The following SRGAP1 variants were observed in gnomAD, a reference collection of about 807,000 sequenced individuals.
The protein encoded by SRGAP1 is SLIT-ROBO Rho GTPase activating protein 1.
Under a neutral mutation model 121.9 loss-of-function variants are expected in SRGAP1, and 43 were observed. The observed-to-expected ratio is 0.35, with a 90% confidence interval of 0.28 to 0.46. SRGAP1 has a LOEUF of 0.46. SRGAP1 is among the 20% of genes least tolerant of loss of function. The pLI, the probability that SRGAP1 is intolerant of heterozygous loss-of-function variation, is 1.00. For synonymous variants in SRGAP1, 447 were observed against 485.4 expected, an observed-to-expected ratio of 0.92 and a Z score of 1.04; for missense variants, 1,102 against 1,350.9, an observed-to-expected ratio of 0.82 and a Z score of 2.89.
intron 1 of SRGAP1, among the ~76,000 whole-genome samples, chr12:63,970,748 A>G (rs1288656351): frequency 1.3e-5 from 2 of 152,170 alleles, no homozygotes; most frequent in Non-Finnish European, 1.5e-5. Context: ...CCTTATCAAA[A>G]TTAACACAAA....
At chr12:63,945,400 C>T (rs1020363199) in intron 1 of SRGAP1, among the ~76,000 whole-genome samples, 19 of 152,058 alleles carry the variant, frequency 1.2e-4, no homozygotes, top group South Asian at 2.1e-4. Context: ...TTTCTCCTAA[C>T]GCTATCCCTC....
chr12:64,052,779 T>G (rs1243132104), intron 6 of SRGAP1, among the ~76,000 whole-genome samples: 1 of 152,216 alleles, frequency 6.6e-6, no homozygotes, highest in African/African-American at 2.4e-5. Context: ...TTTTAATGAT[T>G]TATCTGTTGT....
intron 1 of SRGAP1, among the ~76,000 whole-genome samples, chr12:63,880,907 G>C (rs1217415173): frequency 1.3e-5 from 2 of 152,132 alleles, no homozygotes; most frequent in Non-Finnish European, 2.9e-5. Context: ...TGTGTTCCAG[G>C]CGTCTCACCA....
chr12:63,897,235 A>G (rs1900783718), intron 1 of SRGAP1, among the ~76,000 whole-genome samples: 1 of 152,218 alleles, frequency 6.6e-6, no homozygotes. Flanking sequence ...TTGCCAGAAC[A>G]TATGTGCTAT....
At chr12:64,113,272 G>A (rs1201210041) in intron 17 of SRGAP1, among the ~76,000 whole-genome samples, 1 of 152,062 alleles carries the variant, frequency 6.6e-6, no homozygotes. Context: ...GCCAGGCATG[G>A]TGGTACGTGC....
chr12:64,047,439 C>T lies in SRGAP1; in HGVS notation c.801+3864C>T, dbSNP rs554191477. The stretch of plus-strand genomic sequence containing the variant: ...CTTCATGCTTTGTGAGTTTATTTAG[C>T]GAAGTACATCTTATACTGAGCTATC... On this transcript the variant is annotated intron_variant, in intron 6 of 21. Transcript: ENST00000355086. 8.5e-5 allele frequency among the ~76,000 whole-genome samples: 13 copies of T among 152,116 alleles called. No individual in the cohort carries two copies. In the South Asian group the frequency reaches 1.7e-3, roughly 19 times the overall value.
chr12:63,913,879 T>C (rs2030664132), intron 1 of SRGAP1, among the ~76,000 whole-genome samples: 1 of 152,068 alleles, frequency 6.6e-6, no homozygotes, highest in Non-Finnish European at 1.5e-5. Flanking sequence ...TTTTTTCTAG[T>C]TTTAAACAAA....
At chr12:63,870,533 A>ATTTTT (rs1216674448) in intron 1 of SRGAP1, among the ~76,000 whole-genome samples, 8 of 100,812 alleles carry the variant, frequency 7.9e-5, no homozygotes, top group Admixed American at 1.1e-4. Flanking sequence ...CCCTATCTTG[A>ATTTTT]TTTTTTTTTT....
chr12:63,953,841 A>G (rs569570547), intron 1 of SRGAP1, among the ~76,000 whole-genome samples: 4 of 152,174 alleles, frequency 2.6e-5, no homozygotes, highest in Non-Finnish European at 5.9e-5. Context: ...ACTTCTAGCA[A>G]TGGTGCTGTT....
chr12:63,911,298 CAAAAAAA>C lies in SRGAP1; in HGVS notation c.67+66428_67+66434del, dbSNP rs10715790. Among the ~76,000 whole-genome samples the C allele has an allele frequency of 3.3e-5, 3 of 90,222 alleles. No individual in the cohort carries two copies. In the Admixed American group the frequency reaches 3.4e-4, roughly 10 times the overall value. 59.2% of individuals were successfully genotyped at this position (90,222 alleles called of 152,430 possible). ...TGGGCGACAGAGTGAGACTCTGTCT[CAAAAAAA>C]AAAAAAAAAAAAGAAAAGAAAACAC... On this transcript the variant is annotated intron_variant, in intron 1 of 21. Transcript: ENST00000355086.
At chr12:63,893,673 G>A (rs1900658869) in intron 1 of SRGAP1, among the ~76,000 whole-genome samples, 1 of 152,126 alleles carries the variant, frequency 6.6e-6, no homozygotes, top group South Asian at 2.1e-4. Context: ...CTCTCTGACT[G>A]ACTTGGACAA....
chr12:64,056,013 C>A (rs1286938394), intron 6 of SRGAP1, among the ~76,000 whole-genome samples: 5 of 152,034 alleles, frequency 3.3e-5, no homozygotes, highest in African/African-American at 1.2e-4. Context: ...ACTCAAAACA[C>A]AACTATTTAT....
rs1250602185 is a variant in SRGAP1 at position 64,158,619 on chromosome 12, A to G, written c.*15947A>G. 5 of 152,040 alleles carry G rather than the reference A, an allele frequency of 3.3e-5. No homozygotes were observed. The East Asian group carries it at 9.7e-4, about 30-fold the overall frequency. 9.4% of individuals were successfully genotyped at this position (152,040 alleles called of 1,614,324 possible). Reference sequence around the variant, plus strand: ...AAACCCCGTCTCTACTAATGATACGAAAATTAGCCGGGCATGGTGGCGTGC... The same window carrying G: ...AAACCCCGTCTCTACTAATGATACGGAAATTAGCCGGGCATGGTGGCGTGC... On this transcript the variant is annotated 3_prime_UTR_variant, in exon 22 of 22. Coordinates refer to ENST00000355086, the MANE Select transcript of SRGAP1 (RefSeq NM_020762.4).
At chr12:64,028,635 G>A (rs1439622120) in intron 4 of SRGAP1, among the ~76,000 whole-genome samples, 1 of 152,250 alleles carries the variant, frequency 6.6e-6, no homozygotes, top group South Asian at 2.1e-4. Flanking sequence ...CCCCTTTGTG[G>A]CTCATAGGCA....
chr12:63,882,717 AATTT>A lies in SRGAP1; in HGVS notation c.67+37840_67+37843del, dbSNP rs1900236127. On this transcript the variant is annotated intron_variant, in intron 1 of 21. Coordinates refer to ENST00000355086, the MANE Select transcript of SRGAP1 (RefSeq NM_020762.4). ...TTTATTATAGCTAGGATATTTATTG[AATTT>A]ATTTACAGACTGTTGGTTAAAATCA... is the stretch of plus-strand genomic sequence containing the variant. Among the ~76,000 whole-genome samples, 5 of 152,338 alleles carry A rather than the reference AATTT, an allele frequency of 3.3e-5. No homozygotes were observed. The South Asian group carries it at 1.0e-3, about 32-fold the overall frequency.
In SRGAP1 at chr12:64,062,998, A is replaced by G. The variant is rs760361145; in HGVS notation, c.883A>G (p.Arg295Gly). 4.3e-6 allele frequency: 7 copies of G among 1,614,108 alleles called. No individual in the cohort carries two copies. Among genetic ancestry groups the G allele is most frequent in the Non-Finnish European group, 5.9e-6 (7 of 1,179,980 alleles). ...LSAEYNLETS[R>G]HEGLDIIENA... ...TGCGGAGTACAACCTTGAAACCTCC[A>G]GACATGAGGGCTTAGACATTATTGA... Residue 295 changes from arginine to glycine, a missense_variant, in exon 7 of 22, where the codon AGA (arginine) becomes GGA (glycine). Arg to Gly is a moderately radical substitution (Grantham distance 125). Around this residue, in one of 3 missense-constraint regions of SRGAP1, gnomAD observed 747 missense variants for 929.4 expected, o/e 0.80. Transcript: ENST00000355086.
At chr12:63,931,103 C>T (rs934919231) in intron 1 of SRGAP1, among the ~76,000 whole-genome samples, 1 of 152,132 alleles carries the variant, frequency 6.6e-6, no homozygotes, top group Non-Finnish European at 1.5e-5. Context: ...AAATGTGTTT[C>T]TTCATCAATA....
Position 64,145,979 on chromosome 12 carries a change from T to C in SRGAP1, c.*3307T>C, listed in dbSNP as rs896534754. On this transcript the variant is annotated 3_prime_UTR_variant, in exon 22 of 22. Coordinates refer to ENST00000355086, the MANE Select transcript of SRGAP1 (RefSeq NM_020762.4). Reference sequence around the variant, plus strand: ...CAAGAATATGTATTCTCAGCTGATATAACTGTGTGTTCACATCCCATCCAT... The same window carrying C: ...CAAGAATATGTATTCTCAGCTGATACAACTGTGTGTTCACATCCCATCCAT... 20 of 152,230 alleles carry C rather than the reference T, an allele frequency of 1.3e-4. 1 individual carries two copies. Among genetic ancestry groups the C allele is most frequent in the South Asian group, 4.1e-4 (2 of 4,830 alleles). 9.4% of individuals were successfully genotyped at this position (152,230 alleles called of 1,614,324 possible).
chr12:64,043,945 C>T (rs2035074743), intron 6 of SRGAP1, among the ~76,000 whole-genome samples: 1 of 152,110 alleles, frequency 6.6e-6, no homozygotes, highest in East Asian at 1.9e-4. Context: ...TGCTGAAGCT[C>T]TTAGAAGCCA....
Sources: allele counts gnomAD v4.1 joint callset (sites outside exome capture counted in the v4.1 genomes callset), GRCh38; gene constraint gnomAD v4.1.1; regional missense constraint gnomAD v4.1.1; transcripts MANE v1.5; gene names NCBI Gene and HGNC (gene_info 2026-07-23, HGNC 2026-07-21).